C1orf21: variants seen among roughly 807,000 people sequenced by gnomAD.
C1orf21 encodes the protein chromosome 1 open reading frame 21, also known as uncharacterized protein C1orf21.
A neutral mutation model predicts 18.7 loss-of-function variants in C1orf21; 3 were observed. The ratio of observed to expected loss-of-function variants is 0.16; its 90% CI spans 0.07 to 0.42. The LOEUF (loss-of-function observed/expected upper bound fraction) is 0.42, where lower values mean the gene tolerates loss of function less well. Ranked by LOEUF, C1orf21 falls within the 10% of genes least tolerant of loss-of-function variation. The probability of loss-of-function intolerance (pLI) is 0.99; values close to 1 mark genes in which losing one functional copy is unlikely to be tolerated. For missense variants in C1orf21, 104 were observed against 143.6 expected (o/e 0.72, Z 1.41); for synonymous variants, 41 against 46.4 (o/e 0.88, Z 0.47).
At chr1:184,506,456 C>T (rs1031928056) in intron 2 of C1orf21, among the ~76,000 whole-genome samples, 4 of 152,182 alleles carry the variant, frequency 2.6e-5, no homozygotes, top group Admixed American at 6.5e-5. Context: ...AGTCTTTTTA[C>T]CCATTTAATC....
chr1:184,423,930 C>A (rs114773157), intron 1 of C1orf21, among the ~76,000 whole-genome samples: 1 of 152,152 alleles, frequency 6.6e-6, no homozygotes, highest in Non-Finnish European at 1.5e-5. Flanking sequence ...TTCCTTAATG[C>A]CTGTTACTGG....
At chr1:184,528,763 G>A (rs905444936) in intron 3 of C1orf21, among the ~76,000 whole-genome samples, 6 of 152,118 alleles carry the variant, frequency 3.9e-5, no homozygotes, top group African/African-American at 1.4e-4. Flanking sequence ...AAATTTTAAT[G>A]GATGTGTAAA....
chr1:184,519,448 T>C (rs915851546), intron 3 of C1orf21, among the ~76,000 whole-genome samples: 12 of 152,246 alleles, frequency 7.9e-5, no homozygotes, highest in Admixed American at 1.3e-4. Flanking sequence ...CTGTTTGATC[T>C]ACATGGTCAT....
intron 1 of C1orf21, among the ~76,000 whole-genome samples, chr1:184,434,788 A>G (rs1656833441): frequency 6.6e-6 from 1 of 152,226 alleles, no homozygotes; most frequent in Non-Finnish European, 1.5e-5. Context: ...TAAGACTTTC[A>G]TTCCTGGGCA....
chr1:184,616,740 T>C (rs1441825542), intron 5 of C1orf21, among the ~76,000 whole-genome samples: 2 of 151,842 alleles, frequency 1.3e-5, no homozygotes, highest in Admixed American at 6.6e-5. Context: ...TGTGTGTGTG[T>C]GTGTGTATCT....
At chr1:184,421,096 C>A (rs1441114846) in intron 1 of C1orf21, among the ~76,000 whole-genome samples, 1 of 152,060 alleles carries the variant, frequency 6.6e-6, no homozygotes. Context: ...CATTTCTCCC[C>A]GACCCAAGAT....
chr1:184,536,214 G>A (rs1658549846), intron 3 of C1orf21, among the ~76,000 whole-genome samples: 1 of 152,152 alleles, frequency 6.6e-6, no homozygotes, highest in South Asian at 2.1e-4. Flanking sequence ...TCTGACCTGG[G>A]TCAAACTTCA....
chr1:184,575,611 T>TAAAAAAAAAAAAAAAAAAAAAAAGA (rs59167087), intron 3 of C1orf21, among the ~76,000 whole-genome samples: 1 of 83,502 alleles, frequency 1.2e-5, no homozygotes, highest in African/African-American at 4.3e-5. Context: ...CACAAAAAGG[T>TAAAAAAAAAAAAAAAAAAAAAAAGA]AAAAAAAAAA....
At chr1:184,474,044 T>C (rs994124669) in intron 1 of C1orf21, among the ~76,000 whole-genome samples, 1 of 152,196 alleles carries the variant, frequency 6.6e-6, no homozygotes, top group South Asian at 2.1e-4. Flanking sequence ...AAAACTTTCT[T>C]CAGTGATCTA....
intron 5 of C1orf21, among the ~76,000 whole-genome samples, chr1:184,613,110 C>T (rs1232593482): frequency 2.6e-5 from 4 of 152,096 alleles, no homozygotes; most frequent in Admixed American, 2.0e-4. Context: ...CCACCACGCC[C>T]AGCTAATTTT....
intron 1 of C1orf21, among the ~76,000 whole-genome samples, chr1:184,451,004 C>T (rs1162858393): frequency 1.3e-5 from 2 of 152,086 alleles, no homozygotes; most frequent in African/African-American, 2.4e-5. Flanking sequence ...TAGCCTCCTG[C>T]GTAGCTGAGA....
chr1:184,599,422 T>A (rs559060792), intron 5 of C1orf21: 8 of 152,328 alleles, frequency 5.3e-5, no homozygotes, highest in African/African-American at 1.9e-4. Flanking sequence ...TTAGTATTAT[T>A]TAGCAGCAGA....
chr1:184,575,920 T>G (rs1250278366), intron 3 of C1orf21, among the ~76,000 whole-genome samples: 1 of 150,568 alleles, frequency 6.6e-6, no homozygotes, highest in African/African-American at 2.4e-5. Flanking sequence ...GCCACAGAGG[T>G]GGAAGGATTG....
In C1orf21 at chr1:184,507,580, G is replaced by A. The variant is rs1215772250; in HGVS notation, c.95-8G>A. On this transcript the variant is annotated splice_polypyrimidine_tract_variant and splice_region_variant and intron_variant, in intron 2 of 5. Coordinates refer to ENST00000235307, the MANE Select transcript of C1orf21 (RefSeq NM_030806.4). ...TTATAAAATGTGTTTTCTTTTTTTG[G>A]CACTCAGATGAGTATAGGATCAAAC... 25 of 1,569,662 alleles carry A rather than the reference G, an allele frequency of 1.6e-5. No individual in the cohort carries two copies. The highest frequency in any genetic ancestry group is 1.8e-5 in the Non-Finnish European group (21 of 1,164,882).
intron 2 of C1orf21, among the ~76,000 whole-genome samples, chr1:184,479,307 G>T (rs897100212): frequency 6.6e-6 from 1 of 152,136 alleles, no homozygotes; most frequent in African/African-American, 2.4e-5. Context: ...TAACATCAGG[G>T]ATTTGTTTAA....
rs3034486 is a variant in C1orf21 at position 184,587,524 on chromosome 1, TTGTGTGTGTGTGTGTGTG to T, written c.190-3187_190-3170del. 1.2e-3 allele frequency among the ~76,000 whole-genome samples: 172 copies of T among 139,720 alleles called. 2 individuals are homozygous for T. The highest frequency in any genetic ancestry group is 7.5e-3 in the Middle Eastern group (2 of 268). 91.7% of individuals were successfully genotyped at this position (139,720 alleles called of 152,430 possible). On this transcript the variant is annotated intron_variant, in intron 3 of 5. Coordinates refer to ENST00000235307, the MANE Select transcript of C1orf21 (RefSeq NM_030806.4). Reference sequence around the variant, plus strand: ...CCCTGCTTAGCTGTGTTCCTAGGAATTGTGTGTGTGTGTGTGTGTGTGTGTGTGTGTGTGTGTGTGTGT... The same window carrying T: ...CCCTGCTTAGCTGTGTTCCTAGGAATTGTGTGTGTGTGTGTGTGTGTGTGT...
intron 2 of C1orf21, among the ~76,000 whole-genome samples, chr1:184,483,989 TCTC>T (rs1261179746): frequency 2.0e-5 from 3 of 151,988 alleles, no homozygotes; most frequent in African/African-American, 7.3e-5. Context: ...AGTGGCGTGA[TCTC>T]AGCTCACTGC....
chr1:184,612,199 TA>T (rs1487040370), intron 5 of C1orf21, among the ~76,000 whole-genome samples: 1 of 152,208 alleles, frequency 6.6e-6, no homozygotes, highest in African/African-American at 2.4e-5. Flanking sequence ...ATCCTTCAGC[TA>T]GTCACCAAGC....
intron 5 of C1orf21, among the ~76,000 whole-genome samples, chr1:184,610,130 C>A (rs1245608309): frequency 6.6e-6 from 1 of 151,908 alleles, no homozygotes; most frequent in East Asian, 1.9e-4. Context: ...ATCCAGCCTG[C>A]GAGACAAAAA....
Sources: allele counts gnomAD v4.1 joint callset (sites outside exome capture counted in the v4.1 genomes callset), GRCh38; gene constraint gnomAD v4.1.1; transcripts MANE v1.5; gene names NCBI Gene and HGNC (gene_info 2026-07-23, HGNC 2026-07-21).